Variants in EIPR1 observed in about 807,000 individuals in gnomAD.
EIPR1 encodes EARP and GARP complex-interacting protein 1.
In EIPR1, 25 loss-of-function variants were observed where a neutral mutation model predicts 48.1. The ratio of observed to expected loss-of-function variants is 0.52; its 90% confidence interval spans 0.38 to 0.73. The LOEUF (loss-of-function observed/expected upper bound fraction) is 0.73. EIPR1 is among the 30% of genes least tolerant of loss of function. The probability of loss-of-function intolerance (pLI) is 0.00; values close to 1 mark genes in which losing one functional copy is unlikely to be tolerated. For synonymous variants in EIPR1, 204 were observed against 201.9 expected, an observed-to-expected ratio of 1.01 and a Z score of -0.09; for missense variants, 415 against 506.2, an observed-to-expected ratio of 0.82 and a Z score of 1.73.
At position 3,332,275 on chromosome 2, in the gene EIPR1, C is replaced by T. The variant is rs182386268; in HGVS notation, c.259+5742G>A. Among the ~76,000 whole-genome samples the T allele has an allele frequency of 3.9e-5, 6 of 152,284 alleles. No individual in the cohort carries two copies. The East Asian group carries it at 5.8e-4, about 15-fold the overall frequency. On this transcript the variant is annotated intron_variant, in intron 3 of 8. Transcript: ENST00000382125. ...TTCTAAATATGGAAAGTGAGATGCA[C>T]GGAAAGGTCAAGGCCTGCTGGCAGC... is the stretch of plus-strand genomic sequence containing the variant.
At chr2:3,236,177 C>T (rs1037722156) in intron 4 of EIPR1, among the ~76,000 whole-genome samples, 14 of 152,136 alleles carry the variant, frequency 9.2e-5, no homozygotes, top group Admixed American at 3.9e-4. Context: ...CATCGCCGTA[C>T]GTGTACTGTA....
rs754387878 is a variant in EIPR1 at position 3,338,143 on chromosome 2, T to C, written c.133A>G (p.Ile45Val). The change falls in exon 3 of 9, where the codon ATC (isoleucine) becomes GTC (valine). Residue 45 changes from isoleucine (I) to valine (V), a missense_variant. By Grantham distance (29) the Ile-to-Val change is conservative (BLOSUM62 3). Transcript: ENST00000382125. ...TTGTTTTCATCGTCAAAATCTATGA[T>C]ATGGATCTACAAATACAAGAAAAGA... ...QSLKYDNQIHIIDFDDENNII... is the reference protein window; with the variant it reads ...QSLKYDNQIHVIDFDDENNII... 1.9e-6 allele frequency: 3 copies of C among 1,609,652 alleles called. No homozygotes were observed. The highest frequency in any genetic ancestry group is 2.5e-6 in the Non-Finnish European group (3 of 1,179,120).
chr2:3,355,803 G>C (rs970037225), intron 1 of EIPR1, among the ~76,000 whole-genome samples: 3 of 111,674 alleles, frequency 2.7e-5, no homozygotes, highest in African/African-American at 8.7e-5. Flanking sequence ...GACCGAACAA[G>C]ACCCTGTCTA....
chr2:3,202,669 C>T (rs975908338), intron 5 of EIPR1, among the ~76,000 whole-genome samples: 2 of 152,220 alleles, frequency 1.3e-5, no homozygotes, highest in African/African-American at 4.8e-5. Context: ...CCGAGCAATG[C>T]AAGCTGAGCC....
In EIPR1 at chr2:3,337,958, C is replaced by CA. The variant is rs1239439225; in HGVS notation, c.259+58_259+59insT. On this transcript the variant is annotated intron_variant, in intron 3 of 8. Transcript: ENST00000382125. ...GACCCATTAGCAATACAAAACCCGT[C>CA]TTAGGAAATACCTCCAGTTACCTCC... The CA allele has an allele frequency of 3.9e-6, 6 of 1,543,364 alleles. No homozygotes were observed. The Admixed American group carries it at 1.4e-4, about 35-fold the overall frequency.
At position 3,194,271 on chromosome 2, in the gene EIPR1, C is replaced by G. The variant is rs1317453366; in HGVS notation, c.654-105G>C. On this transcript the variant is annotated intron_variant, in intron 6 of 8. Coordinates refer to ENST00000382125, the MANE Select transcript of EIPR1 (RefSeq NM_003310.5). ...TTTCCCGGGACCCTGTCTAATCCCC[C>G]GGCCCAGGGTGCTCTCATCCCCTCG... The G allele has an allele frequency of 6.3e-6, 9 of 1,427,330 alleles. No individual in the cohort carries two copies. The African/African-American group carries it at 9.9e-5, about 16-fold the overall frequency. The allele number at this position is 1,427,330 out of a possible 1,614,324, so 88.4% of individuals were successfully genotyped here.
chr2:3,267,330 T>C lies in EIPR1; in HGVS notation c.260-9875A>G, dbSNP rs148436892. On this transcript the variant is annotated intron_variant, in intron 3 of 8. Coordinates refer to ENST00000382125, the MANE Select transcript of EIPR1 (RefSeq NM_003310.5). ...GAAAATAGTCAACCAAAAGCAACAC[T>C]GCAGTGTTGGTGGGATGGAGAGTTA... Among the ~76,000 whole-genome samples the C allele has an allele frequency of 4.7e-3, 723 of 152,274 alleles. 6 individuals carry two copies. The highest frequency in any genetic ancestry group is 0.016 in the African/African-American group (676 of 41,564).
chr2:3,360,569 T>C (rs1301215677), intron 1 of EIPR1, among the ~76,000 whole-genome samples: 2 of 152,164 alleles, frequency 1.3e-5, no homozygotes, highest in Non-Finnish European at 2.9e-5. Context: ...ACCTTACAAC[T>C]ACTTAGAGTA....
chr2:3,277,868 G>A (rs971507036), intron 3 of EIPR1, among the ~76,000 whole-genome samples: 1 of 152,220 alleles, frequency 6.6e-6, no homozygotes, highest in Admixed American at 6.5e-5. Flanking sequence ...CGTGTTTCAC[G>A]GTGGACTTGA....
At chr2:3,376,161 T>C (rs1216008368) in intron 1 of EIPR1, among the ~76,000 whole-genome samples, 1 of 152,056 alleles carries the variant, frequency 6.6e-6, no homozygotes, top group Non-Finnish European at 1.5e-5. Flanking sequence ...GAACAACAAT[T>C]ATTGAACACA....
intron 1 of EIPR1, among the ~76,000 whole-genome samples, chr2:3,367,668 C>G (rs937384750): frequency 6.6e-6 from 1 of 152,156 alleles, no homozygotes; most frequent in African/African-American, 2.4e-5. Context: ...ATTTAAAAAG[C>G]TATTAATGTA....
chr2:3,295,009 T>C (rs1668505170), intron 3 of EIPR1, among the ~76,000 whole-genome samples: 1 of 90,804 alleles, frequency 1.1e-5, no homozygotes, highest in Non-Finnish European at 2.1e-5. Context: ...ACACCCTCCA[T>C]CCAGCCCATA....
chr2:3,263,146 G>A (rs557682116), intron 3 of EIPR1, among the ~76,000 whole-genome samples: 74 of 152,342 alleles, frequency 4.9e-4, no homozygotes, highest in African/African-American at 1.7e-3. Flanking sequence ...CTACGCTCAG[G>A]AGACGGCTGG....
At chr2:3,285,583 G>A (rs928231152) in intron 3 of EIPR1, among the ~76,000 whole-genome samples, 1 of 152,246 alleles carries the variant, frequency 6.6e-6, no homozygotes, top group Non-Finnish European at 1.5e-5. Flanking sequence ...TGGAGGCAAA[G>A]CTCAGGAGGC....
intron 3 of EIPR1, among the ~76,000 whole-genome samples, chr2:3,299,442 T>G (rs1422329087): frequency 1.3e-5 from 2 of 152,170 alleles, no homozygotes; most frequent in Non-Finnish European, 1.5e-5. Context: ...GTGATCTGAC[T>G]GGGCGCGGCC....
chr2:3,214,016 C>T, intron 5 of EIPR1, 133 bp downstream of exon 5: 1 of 663,796 alleles, frequency 1.5e-6, no homozygotes, highest in Non-Finnish European at 2.5e-6. Context: ...AACCCCACGA[C>T]AGGCCCTGGT....
intron 3 of EIPR1, among the ~76,000 whole-genome samples, chr2:3,280,397 T>G (rs1242243223): frequency 6.6e-6 from 1 of 152,154 alleles, no homozygotes; most frequent in African/African-American, 2.4e-5. Context: ...AGGCGGCATC[T>G]CAGGCTTCAC....
chr2:3,329,967 C>T (rs1669836454), intron 3 of EIPR1, among the ~76,000 whole-genome samples: 1 of 151,798 alleles, frequency 6.6e-6, no homozygotes, highest in Non-Finnish European at 1.5e-5. Flanking sequence ...GGTCTACCCA[C>T]CATGCTCTAA....
intron 5 of EIPR1, among the ~76,000 whole-genome samples, chr2:3,200,549 G>A (rs1664994230): frequency 6.6e-6 from 1 of 152,026 alleles, no homozygotes; most frequent in Non-Finnish European, 1.5e-5. Flanking sequence ...CCCACACACG[G>A]ACCAAGCAGG....
Sources: gnomAD v4.1 joint callset for allele counts (sites outside exome capture counted in the v4.1 genomes callset) on GRCh38, gnomAD v4.1.1 for gene constraint, MANE v1.5 for transcripts, NCBI Gene and HGNC (gene_info 2026-07-23, HGNC 2026-07-21) for gene names.